CCDC85C: variants seen among roughly 807,000 people sequenced by gnomAD.
The protein encoded by CCDC85C is coiled-coil domain-containing protein 85C.
A neutral mutation model predicts 38.3 loss-of-function variants in CCDC85C; 18 were observed. The observed-to-expected ratio is 0.47, with a 90% CI of 0.33 to 0.70. The LOEUF is 0.70. Ranked by LOEUF, CCDC85C falls within the 30% of genes least tolerant of loss-of-function variation. The pLI is 0.03. For missense variants in CCDC85C, 566 were observed against 621.2 expected (o/e 0.91, Z 0.94); for synonymous variants, 264 against 293.8 (o/e 0.90, Z 1.04).
intron 1 of CCDC85C, among the ~76,000 whole-genome samples, chr14:99,599,854 G>A (rs2055181255): frequency 6.6e-6 from 1 of 152,196 alleles, no homozygotes; most frequent in African/African-American, 2.4e-5. Flanking sequence ...TAGCCTGGGT[G>A]ACCAGAGAGA....
chr14:99,598,578 C>T (rs2055167915), intron 1 of CCDC85C, among the ~76,000 whole-genome samples: 2 of 152,196 alleles, frequency 1.3e-5, no homozygotes. Context: ...AGGAATGAGG[C>T]CCCGGGCCTG....
At chr14:99,555,027 T>G (rs994224849) in intron 1 of CCDC85C, among the ~76,000 whole-genome samples, 2 of 152,224 alleles carry the variant, frequency 1.3e-5, no homozygotes, top group African/African-American at 2.4e-5. Flanking sequence ...AAGAACAGAC[T>G]TGAAGGTCAG....
At chr14:99,574,024 G>A (rs1171980077) in intron 1 of CCDC85C, among the ~76,000 whole-genome samples, 1 of 152,198 alleles carries the variant, frequency 6.6e-6, no homozygotes, top group Non-Finnish European at 1.5e-5. Context: ...ATTTGGAACT[G>A]GCATTTGGAT....
Position 99,586,400 on chromosome 14 carries a change from C to T in CCDC85C, c.793+16767G>A, listed in dbSNP as rs527724741. Reference sequence around the variant, plus strand: ...TGGCCCAGCCTGGCATGGAAAAGGTCCAGGGTGCTGAATCACCAAAACCTC... The same window carrying T: ...TGGCCCAGCCTGGCATGGAAAAGGTTCAGGGTGCTGAATCACCAAAACCTC... On this transcript the variant is annotated intron_variant, in intron 1 of 5. Transcript: ENST00000380243. 1.4e-3 allele frequency among the ~76,000 whole-genome samples: 214 copies of T among 152,340 alleles called. 1 individual carries two copies. The highest frequency in any genetic ancestry group is 2.9e-3 in the South Asian group (14 of 4,826).
Position 99,508,552 on chromosome 14 carries a change from A to G in CCDC85C, c.*6694T>C, listed in dbSNP as rs1897033399. ...GAGAGCAGGGCCTGGGAGGCGCAGTAAAGCTGGGCCGTGAGGAAGGGAGGG... is the reference window on the plus strand; with the variant it reads ...GAGAGCAGGGCCTGGGAGGCGCAGTGAAGCTGGGCCGTGAGGAAGGGAGGG... On this transcript the variant is annotated 3_prime_UTR_variant, in exon 6 of 6. Transcript: ENST00000380243. 1 of 152,472 alleles carries G rather than the reference A, an allele frequency of 6.6e-6. No individual in the cohort carries two copies. The highest frequency in any genetic ancestry group is 2.1e-4 in the South Asian group (1 of 4,832). 9.4% of individuals were successfully genotyped at this position (152,472 alleles called of 1,614,324 possible). A position where few individuals can be genotyped will look rare whatever the true frequency, so the allele number is the denominator to read the frequency against.
chr14:99,513,214 A>G lies in CCDC85C; in HGVS notation c.*2032T>C, dbSNP rs1405157293. On this transcript the variant is annotated 3_prime_UTR_variant, in exon 6 of 6. Coordinates refer to ENST00000380243, the MANE Select transcript of CCDC85C (RefSeq NM_001144995.2). ...GCTTATTTCAGTGGTGGCCACGCCA[A>G]CCTGACCCAAACATGATGCACACGG... is the stretch of plus-strand genomic sequence containing the variant. 2 of 152,186 alleles carry G rather than the reference A, an allele frequency of 1.3e-5. No individual in the cohort carries two copies. Among genetic ancestry groups the G allele is most frequent in the African/African-American group, 2.4e-5 (1 of 41,436 alleles). 9.4% of individuals were successfully genotyped at this position (152,186 alleles called of 1,614,324 possible).
chr14:99,590,653 C>G (rs2055075886), intron 1 of CCDC85C, among the ~76,000 whole-genome samples: 1 of 152,212 alleles, frequency 6.6e-6, no homozygotes, highest in South Asian at 2.1e-4. Flanking sequence ...ACGTGACCTT[C>G]CCAACCAACA....
intron 1 of CCDC85C, among the ~76,000 whole-genome samples, chr14:99,539,129 A>T (rs1897662497): frequency 6.6e-6 from 1 of 152,214 alleles, no homozygotes; most frequent in Non-Finnish European, 1.5e-5. Flanking sequence ...TAACACTCTT[A>T]AAAAATATTT....
chr14:99,534,088 G>A (rs535416997), intron 2 of CCDC85C, among the ~76,000 whole-genome samples: 1 of 152,320 alleles, frequency 6.6e-6, no homozygotes, highest in East Asian at 1.9e-4. Flanking sequence ...GGGCGTGGTG[G>A]CTCACACCTG....
chr14:99,572,057 T>A lies in CCDC85C; in HGVS notation c.793+31110A>T, dbSNP rs2021921. On this transcript the variant is annotated intron_variant, in intron 1 of 5. Transcript: ENST00000380243. This position sits in a 1 kb window ranked among gnomAD's most constrained non-coding sequence, Gnocchi z 4.4. ...TTCCACGGGGCATCTCAGAGCGTGA[T>A]CCCCAGAGCCCCCAACCCTAACCCA... is the stretch of plus-strand genomic sequence containing the variant. 1.3e-5 allele frequency among the ~76,000 whole-genome samples: 2 copies of A among 151,972 alleles called. No individual in the cohort carries two copies. Among genetic ancestry groups the A allele is most frequent in the East Asian group, 3.9e-4 (2 of 5,148 alleles).
chr14:99,534,680 T>G (rs1245079479), intron 2 of CCDC85C: 22 of 702,242 alleles, frequency 3.1e-5, no homozygotes, highest in African/African-American at 5.2e-5. Context: ...CACACCCTCC[T>G]TAGCAACCAC....
intron 1 of CCDC85C, among the ~76,000 whole-genome samples, chr14:99,551,627 T>A (rs1212920015): frequency 8.4e-6 from 1 of 119,542 alleles, no homozygotes; most frequent in South Asian, 2.8e-4. Flanking sequence ...CAGTTGAGTG[T>A]GCAGGTGGGT....
intron 2 of CCDC85C, among the ~76,000 whole-genome samples, chr14:99,531,756 A>G (rs1897498794): frequency 6.6e-6 from 1 of 152,090 alleles, no homozygotes; most frequent in Admixed American, 6.5e-5. Flanking sequence ...TTTCTGTACA[A>G]CTTGATTTCC....
chr14:99,531,440 A>C lies in CCDC85C; in HGVS notation c.867+4575T>G, dbSNP rs1297986853. Reference sequence around the variant, plus strand: ...TGCACACGGAGTCTTGAGATGAATCATCGTGGAGGAAGCAGCTGTGTTGAT... The same window carrying C: ...TGCACACGGAGTCTTGAGATGAATCCTCGTGGAGGAAGCAGCTGTGTTGAT... On this transcript the variant is annotated intron_variant, in intron 2 of 5. Coordinates refer to ENST00000380243, the MANE Select transcript of CCDC85C (RefSeq NM_001144995.2). Among the ~76,000 whole-genome samples the C allele has an allele frequency of 2.6e-5, 4 of 152,200 alleles. No homozygotes were observed. The East Asian group carries it at 7.7e-4, about 29-fold the overall frequency.
At chr14:99,596,030 C>T (rs61987275) in intron 1 of CCDC85C, among the ~76,000 whole-genome samples, 2,979 of 152,320 alleles carry the variant, frequency 0.02, 48 homozygotes, top group Middle Eastern at 0.031. Context: ...GACAGAGGGC[C>T]CCAGGTGGGC....
At position 99,515,009 on chromosome 14, in the gene CCDC85C, C is replaced by T; in HGVS notation, c.*237G>A. ...ATGAGGCGTCCGGGCCGCTCTGCTG[C>T]AGGAACAGTCGCAGCGTCTCGTCTT... On this transcript the variant is annotated 3_prime_UTR_variant, in exon 6 of 6. Transcript: ENST00000380243. 1 of 467,204 alleles carries T rather than the reference C, an allele frequency of 2.1e-6. No individual in the cohort carries two copies. 28.9% of individuals were successfully genotyped at this position (467,204 alleles called of 1,614,324 possible).
In CCDC85C at chr14:99,520,385, T is replaced by C. The variant is rs183705187; in HGVS notation, c.975+1748A>G. Among the ~76,000 whole-genome samples, 286 of 151,744 alleles carry C rather than the reference T, an allele frequency of 1.9e-3. 1 individual carries two copies. The highest frequency in any genetic ancestry group is 6.7e-3 in the African/African-American group (274 of 41,188). ...GGCTTCATCGGCCCCTCCCACGAGA[T>C]ACCTTGACCCCTCAACCCCCACTCC... On this transcript the variant is annotated intron_variant, in intron 3 of 5. Coordinates refer to ENST00000380243, the MANE Select transcript of CCDC85C (RefSeq NM_001144995.2). This position sits in a 1 kb window ranked among gnomAD's most constrained non-coding sequence, Gnocchi z 4.1.
chr14:99,509,078 C>T lies in CCDC85C; in HGVS notation c.*6168G>A, dbSNP rs180803374. Reference sequence around the variant, plus strand: ...GACCTGATGAAATCCTGCTCATGCTCGCTTTGGCAAGATCAAACGGGTTGT... The same window carrying T: ...GACCTGATGAAATCCTGCTCATGCTTGCTTTGGCAAGATCAAACGGGTTGT... On this transcript the variant is annotated 3_prime_UTR_variant, in exon 6 of 6. Coordinates refer to ENST00000380243, the MANE Select transcript of CCDC85C (RefSeq NM_001144995.2). The T allele has an allele frequency of 2.0e-5, 3 of 152,350 alleles. No homozygotes were observed. Among genetic ancestry groups the T allele is most frequent in the African/African-American group, 7.2e-5 (3 of 41,554 alleles). The allele number at this position is 152,350 out of a possible 1,614,324, so 9.4% of individuals were successfully genotyped here. A position where few individuals can be genotyped will look rare whatever the true frequency, so the allele number is the denominator to read the frequency against.
chr14:99,536,075 G>T lies in CCDC85C; in HGVS notation c.807C>A (p.Thr269=). 1.3e-6 allele frequency: 2 copies of T among 1,550,830 alleles called. No individual in the cohort carries two copies. The highest frequency in any genetic ancestry group is 1.7e-6 in the Non-Finnish European group (2 of 1,146,254). ...IPNGLHDPSS[T]YIRQLESKVR... is the part of the protein sequence containing the mutation. ...CTTTGCTCTCCAGTTGCCTGATGTA[G>T]GTGGATGAGGGATCTGGAAGGACAC... Residue 269 remains threonine, a synonymous_variant, in exon 2 of 6, where the codon ACC becomes ACA. Transcript: ENST00000380243.
Sources: gnomAD v4.1 joint callset for allele counts (sites outside exome capture counted in the v4.1 genomes callset) on GRCh38, gnomAD v4.1.1 for gene constraint, Gnocchi (gnomAD v3.1) non-coding constraint, MANE v1.5 for transcripts, NCBI Gene and HGNC (gene_info 2026-07-23, HGNC 2026-07-21) for gene names.